Variants in ADAMTS16 observed in about 807,000 individuals in gnomAD.
The protein encoded by ADAMTS16 is A disintegrin and metalloproteinase with thrombospondin motifs 16.
ADAMTS16 carries 94 observed loss-of-function variants against 145.8 expected under a neutral mutation model. The observed-to-expected ratio is 0.64, with a 90% confidence interval of 0.55 to 0.77. ADAMTS16 has a LOEUF of 0.77. Ranked by LOEUF, ADAMTS16 falls within the 30% of genes least tolerant of loss-of-function variation. The pLI is 0.00. For synonymous variants in ADAMTS16, 659 were observed against 604.3 expected (o/e 1.09, Z -1.33); for missense variants, 1,585 against 1,591.5 (o/e 1.00, Z 0.07).
At chr5:5,254,128 T>G (rs79512213) in intron 17 of ADAMTS16, among the ~76,000 whole-genome samples, 4,077 of 152,286 alleles carry the variant, frequency 0.027, 213 homozygotes, top group African/African-American at 0.094. Context: ...AAGACTTCTC[T>G]GGGCTTTTTA....
In ADAMTS16 at chr5:5,200,196, C is replaced by T. The variant is rs377291505; in HGVS notation, c.1378C>T (p.Pro460Ser). 6.2e-7 allele frequency: 1 copy of T among 1,614,046 alleles called. No individual in the cohort carries two copies. Among genetic ancestry groups the T allele is most frequent in the Non-Finnish European group, 8.5e-7 (1 of 1,179,984 alleles). The change falls in exon 9 of 23, where the codon CCT becomes TCT. Residue 460 changes from proline (P) to serine (S), a missense_variant. Physicochemically the swap from Pro to Ser is moderately conservative, Grantham distance 74. Transcript: ENST00000274181. Reference sequence around the variant, plus strand: ...AAAGTCCGAGGGCAACATCATGTCCCCTACATTGGCAGGACGCAATGGAGT... The same window carrying T: ...AAAGTCCGAGGGCAACATCATGTCCTCTACATTGGCAGGACGCAATGGAGT... ...CKKSEGNIMS[P>S]TLAGRNGVFS...
rs756838900 is a variant in ADAMTS16, at chr5:5,242,077, G to C, written c.2548G>C (p.Gly850Arg). 3 of 1,614,110 alleles carry C rather than the reference G, an allele frequency of 1.9e-6. No individual in the cohort carries two copies. The East Asian group carries it at 6.7e-5, about 36-fold the overall frequency. The change falls in exon 17 of 23, where the codon GGT (glycine) becomes CGT (arginine). Residue 850 changes from glycine (G) to arginine (R), a missense_variant. By Grantham distance (125) the Gly-to-Arg change is moderately radical (BLOSUM62 -2). This residue lies in a region of ADAMTS16 where 834 missense variants were observed against 811.7 expected (regional missense o/e 1.03). Transcript: ENST00000274181. ...GCTGCTGTTTCAGGGAAGGAACCCG[G>C]GTGTTGCCTGGGAATACTCCATGCC... ...VELLFQGRNPGVAWEYSMPRL... is the reference protein window; with the variant it reads ...VELLFQGRNPRVAWEYSMPRL...
At chr5:5,220,041 T>C (rs6898726) in intron 10 of ADAMTS16, among the ~76,000 whole-genome samples, 95,882 of 151,990 alleles carry the variant, frequency 0.63, 30,528 homozygotes, top group East Asian at 0.88. Flanking sequence ...CCTCTGTCAC[T>C]GGTTTTCACA....
chr5:5,232,648 G>A, intron 12 of ADAMTS16, 132 bp downstream of exon 12: 1 of 1,168,960 alleles, frequency 8.6e-7, no homozygotes, highest in African/African-American at 1.7e-5. Flanking sequence ...CTGTCACCCA[G>A]GCTGGAGTGC....
chr5:5,216,814 A>G (rs1736453261), intron 10 of ADAMTS16, among the ~76,000 whole-genome samples: 1 of 130,228 alleles, frequency 7.7e-6, no homozygotes, highest in Non-Finnish European at 1.6e-5. Flanking sequence ...TGTCCATGTG[A>G]TCTCATTGTT....
At chr5:5,159,026 G>A (rs761211984) in intron 3 of ADAMTS16, among the ~76,000 whole-genome samples, 56 of 152,206 alleles carry the variant, frequency 3.7e-4, no homozygotes, top group Non-Finnish European at 7.3e-4. Flanking sequence ...CGTAAAATCA[G>A]AAACATGCTC....
At chr5:5,171,444 C>T (rs1368678059) in intron 3 of ADAMTS16, among the ~76,000 whole-genome samples, 1 of 152,064 alleles carries the variant, frequency 6.6e-6, no homozygotes, top group Non-Finnish European at 1.5e-5. Flanking sequence ...GAGGTATGTT[C>T]CTTCTATACC....
At chr5:5,210,982 T>C (rs545651212) in intron 10 of ADAMTS16, among the ~76,000 whole-genome samples, 1 of 152,350 alleles carries the variant, frequency 6.6e-6, no homozygotes, top group South Asian at 2.1e-4. Flanking sequence ...TCTGCTGAGT[T>C]GATTTGCTGA....
chr5:5,184,630 G>A (rs896911502), intron 4 of ADAMTS16, among the ~76,000 whole-genome samples: 23 of 152,180 alleles, frequency 1.5e-4, no homozygotes, highest in African/African-American at 4.6e-4. Flanking sequence ...AAAACCAATA[G>A]TGAGGTTGGA....
chr5:5,240,724 G>A (rs901984012), intron 16 of ADAMTS16, among the ~76,000 whole-genome samples: 1 of 152,106 alleles, frequency 6.6e-6, no homozygotes, highest in Non-Finnish European at 1.5e-5. Flanking sequence ...CCAGGCATTC[G>A]GGGTGTGGTT....
intron 10 of ADAMTS16, among the ~76,000 whole-genome samples, chr5:5,220,564 C>T (rs369130564): frequency 2.0e-5 from 3 of 152,268 alleles, no homozygotes; most frequent in East Asian, 3.9e-4. Context: ...AGCAGCCACA[C>T]GGCAGAGCCC....
intron 2 of ADAMTS16, among the ~76,000 whole-genome samples, chr5:5,142,652 T>C (rs1255773468): frequency 6.6e-6 from 1 of 152,150 alleles, no homozygotes; most frequent in Non-Finnish European, 1.5e-5. Flanking sequence ...GACAAGTTGG[T>C]TCTGAAATAA....
chr5:5,263,146 G>A (rs1247211764), intron 18 of ADAMTS16, among the ~76,000 whole-genome samples: 2 of 152,168 alleles, frequency 1.3e-5, no homozygotes, highest in Non-Finnish European at 2.9e-5. Flanking sequence ...AAACTTGCTG[G>A]AAGAACCCAT....
chr5:5,191,064 C>T (rs549978587), intron 7 of ADAMTS16, among the ~76,000 whole-genome samples: 3 of 152,346 alleles, frequency 2.0e-5, no homozygotes, highest in Non-Finnish European at 2.9e-5. Flanking sequence ...TTCATTGCCA[C>T]GACTCATTGC....
At position 5,215,697 on chromosome 5, in the gene ADAMTS16, C is replaced by CATATATATAT. The variant is rs57628837; in HGVS notation, c.1605+6458_1605+6467dup. Among the ~76,000 whole-genome samples, 205 of 131,868 alleles carry CATATATATAT rather than the reference C, an allele frequency of 1.6e-3. 1 individual carries two copies. The highest frequency in any genetic ancestry group is 5.0e-3 in the African/African-American group (174 of 34,690). The allele number at this position is 131,868 out of a possible 152,430, so 86.5% of individuals were successfully genotyped here. A position where few individuals can be genotyped will look rare whatever the true frequency, so the allele number is the denominator to read the frequency against. On this transcript the variant is annotated intron_variant, in intron 10 of 22. Transcript: ENST00000274181. ...TTTATGGCTGAGTAGTATTCCATTACATATATATATATATATGTGGTATAT... is the reference window on the plus strand; with the variant it reads ...TTTATGGCTGAGTAGTATTCCATTACATATATATATATATATATATATATATGTGGTATAT...
chr5:5,261,795 A>G (rs1165350907), intron 17 of ADAMTS16, among the ~76,000 whole-genome samples: 1 of 152,056 alleles, frequency 6.6e-6, no homozygotes, highest in African/African-American at 2.4e-5. Flanking sequence ...TGCTATTCTC[A>G]CCATTTTTGA....
intron 9 of ADAMTS16, among the ~76,000 whole-genome samples, 177 bp downstream of exon 9, chr5:5,200,446 A>C (rs1301630131): frequency 6.6e-6 from 1 of 152,194 alleles, no homozygotes; most frequent in South Asian, 2.1e-4. Flanking sequence ...TAGAGCATGG[A>C]GGCCTGTTGG....
At chr5:5,209,862 A>G (rs931007608) in intron 10 of ADAMTS16, among the ~76,000 whole-genome samples, 1 of 152,240 alleles carries the variant, frequency 6.6e-6, no homozygotes, top group Non-Finnish European at 1.5e-5. Flanking sequence ...CATAAATTAA[A>G]TAAAAGTAAC....
chr5:5,150,352 C>A (rs1294373790), intron 3 of ADAMTS16, among the ~76,000 whole-genome samples: 2 of 152,208 alleles, frequency 1.3e-5, no homozygotes, highest in Non-Finnish European at 1.5e-5. Flanking sequence ...AACCCCCACA[C>A]ACAAGTTACA....
Sources: gnomAD v4.1 joint callset for allele counts (sites outside exome capture counted in the v4.1 genomes callset) on GRCh38, gnomAD v4.1.1 for gene constraint, gnomAD v4.1.1 regional missense constraint, MANE v1.5 for transcripts, NCBI Gene and HGNC (gene_info 2026-07-23, HGNC 2026-07-21) for gene names.